CDH4: variants seen among roughly 807,000 people sequenced by gnomAD.
The protein encoded by CDH4 is cadherin-4.
In CDH4, 33 loss-of-function variants were observed where a neutral mutation model predicts 86.0. The observed-to-expected ratio is 0.38, with a 90% CI of 0.29 to 0.51. CDH4 has a LOEUF of 0.51. Ranked by LOEUF, CDH4 falls within the 20% of genes least tolerant of loss-of-function variation. The pLI is 0.86. For missense variants in CDH4, 1,114 were observed against 1,307.4 expected (o/e 0.85, Z 2.28); for synonymous variants, 555 against 549.4 (o/e 1.01, Z -0.14).
rs1422422062 is a variant in CDH4 at position 61,934,780 on chromosome 20, G to C, written c.2544+560G>C. On this transcript the variant is annotated intron_variant, in intron 15 of 15. Transcript: ENST00000614565. Reference sequence around the variant, plus strand: ...GGACACAGCAGGTGGGAGCCACACAGAGGTGGCTGCCTTCCAGGGCTGCCG... The same window carrying C: ...GGACACAGCAGGTGGGAGCCACACACAGGTGGCTGCCTTCCAGGGCTGCCG... Among the ~76,000 whole-genome samples the C allele has an allele frequency of 2.2e-5, 3 of 136,062 alleles. No homozygotes were observed. The Admixed American group carries it at 2.3e-4, about 10-fold the overall frequency. 89.3% of individuals were successfully genotyped at this position (136,062 alleles called of 152,430 possible). A position where few individuals can be genotyped will look rare whatever the true frequency, so the allele number is the denominator to read the frequency against.
intron 7 of CDH4, among the ~76,000 whole-genome samples, chr20:61,877,832 G>T (rs145000682): frequency 6.6e-6 from 1 of 152,150 alleles, no homozygotes; most frequent in Non-Finnish European, 1.5e-5. Flanking sequence ...CTCAGGGGAC[G>T]GTCATGGGGC....
At chr20:61,845,501 A>C (rs975389232) in intron 5 of CDH4, among the ~76,000 whole-genome samples, 5 of 152,216 alleles carry the variant, frequency 3.3e-5, no homozygotes, top group Non-Finnish European at 7.3e-5. Context: ...GGGAGTGCAC[A>C]TCCCTTCACC....
chr20:61,702,591 C>T (rs1428157446), intron 2 of CDH4, among the ~76,000 whole-genome samples: 18 of 152,174 alleles, frequency 1.2e-4, no homozygotes, highest in Admixed American at 6.5e-5. Flanking sequence ...GAGCCAGAGC[C>T]GTCAAAGTTG....
chr20:61,406,940 C>T (rs1311926079), intron 2 of CDH4, among the ~76,000 whole-genome samples: 4 of 150,236 alleles, frequency 2.7e-5, no homozygotes, highest in African/African-American at 9.8e-5. Context: ...ATCTGCTCTG[C>T]CTGGACCTCC....
rs1269343131 is a variant in CDH4, at chr20:61,517,395, G to A, written c.170-226168G>A. Reference sequence around the variant, plus strand: ...CTTTTTGTAGAGACAAGGTCTCGCCGTGTTTCCCAGGCTGGTCTCAAGTGC... The same window carrying A: ...CTTTTTGTAGAGACAAGGTCTCGCCATGTTTCCCAGGCTGGTCTCAAGTGC... On this transcript the variant is annotated intron_variant, in intron 2 of 15. Transcript: ENST00000614565. This position sits in a 1 kb window ranked among gnomAD's most constrained non-coding sequence, Gnocchi z 6.6. 6.6e-6 allele frequency among the ~76,000 whole-genome samples: 1 copy of A among 152,240 alleles called. No individual in the cohort carries two copies.
chr20:61,693,601 T>C (rs2087683672), intron 2 of CDH4, among the ~76,000 whole-genome samples: 1 of 152,238 alleles, frequency 6.6e-6, no homozygotes, highest in African/African-American at 2.4e-5. Context: ...TGCAGCCTTT[T>C]AGAGCGTGGA....
intron 4 of CDH4, among the ~76,000 whole-genome samples, chr20:61,822,595 C>T (rs1432182405): frequency 6.6e-6 from 1 of 152,188 alleles, no homozygotes; most frequent in African/African-American, 2.4e-5. Flanking sequence ...TGAGGGACAC[C>T]ATGGCGTCAT....
At chr20:61,637,842 G>A (rs1353203223) in intron 2 of CDH4, among the ~76,000 whole-genome samples, 4 of 152,058 alleles carry the variant, frequency 2.6e-5, no homozygotes, top group African/African-American at 4.8e-5. Flanking sequence ...CCAACATGGT[G>A]AAACCCCATC....
Position 61,811,084 on chromosome 20 carries a change from T to C in CDH4, c.577-33584T>C, listed in dbSNP as rs1459216122. Among the ~76,000 whole-genome samples the C allele has an allele frequency of 1.3e-5, 2 of 151,934 alleles. No homozygotes were observed. Among genetic ancestry groups the C allele is most frequent in the Non-Finnish European group, 2.9e-5 (2 of 67,992 alleles). ...CATCCTCAGCAGCCGCGCCACATCC[T>C]CAGCAGCCCCGCCACCGCCTGTCAC... On this transcript the variant is annotated intron_variant, in intron 4 of 15. Coordinates refer to ENST00000614565, the MANE Select transcript of CDH4 (RefSeq NM_001794.5). The surrounding 1 kb of genome is among the most constrained non-coding windows in gnomAD (Gnocchi z 4.4).
chr20:61,458,028 T>G (rs879487985), intron 2 of CDH4, among the ~76,000 whole-genome samples: 286 of 133,868 alleles, frequency 2.1e-3, no homozygotes, highest in Middle Eastern at 0.017. Flanking sequence ...GGTTATGATG[T>G]TGATGGCAGT....
intron 2 of CDH4, among the ~76,000 whole-genome samples, chr20:61,420,644 C>T (rs565903745): frequency 6.6e-6 from 1 of 152,384 alleles, no homozygotes; most frequent in African/African-American, 2.4e-5. Flanking sequence ...GCAGCCAAAG[C>T]CGTGCTCTGG....
chr20:61,854,807 C>T (rs1265294281), intron 6 of CDH4, among the ~76,000 whole-genome samples: 17 of 148,006 alleles, frequency 1.1e-4, no homozygotes, highest in African/African-American at 4.0e-4. Flanking sequence ...GCAGTGTGAA[C>T]AGGGTGAATT....
In CDH4 at chr20:61,811,925, G is replaced by A. The variant is rs187247486; in HGVS notation, c.577-32743G>A. Among the ~76,000 whole-genome samples the A allele has an allele frequency of 3.4e-4, 52 of 152,178 alleles. 1 individual carries two copies. In the East Asian group the frequency reaches 5.4e-3, roughly 16 times the overall value. On this transcript the variant is annotated intron_variant, in intron 4 of 15. Transcript: ENST00000614565. The surrounding 1 kb of genome is among the most constrained non-coding windows in gnomAD (Gnocchi z 4.4). ...GACCGCAGGTGATCCACCTACCTCG[G>A]CCTCCCAAAGTGCTAGGATTATAGG...
intron 11 of CDH4, among the ~76,000 whole-genome samples, chr20:61,925,823 G>A (rs529533629): frequency 3.3e-5 from 5 of 152,314 alleles, no homozygotes; most frequent in African/African-American, 1.2e-4. Flanking sequence ...TCACAGCCAT[G>A]TTCTGGCAAA....
intron 2 of CDH4, among the ~76,000 whole-genome samples, chr20:61,702,440 G>T (rs957490343): frequency 6.6e-6 from 1 of 152,250 alleles, no homozygotes; most frequent in Non-Finnish European, 1.5e-5. Flanking sequence ...GTAAAAAGAC[G>T]ACAAGGGCCA....
intron 2 of CDH4, among the ~76,000 whole-genome samples, chr20:61,273,264 C>T (rs570794705): frequency 1.9e-5 from 2 of 106,342 alleles, no homozygotes; most frequent in African/African-American, 3.8e-5. Context: ...AGGGGAGTAC[C>T]GTGTGCAGTT....
intron 2 of CDH4, among the ~76,000 whole-genome samples, chr20:61,657,528 G>A (rs1226046377): frequency 6.6e-6 from 1 of 152,204 alleles, no homozygotes; most frequent in African/African-American, 2.4e-5. Context: ...TCTCTGCGGA[G>A]GCAGATAAGT....
rs2054738021 is a variant in CDH4 at position 61,902,548 on chromosome 20, T to C, written c.1188+7501T>C. On this transcript the variant is annotated intron_variant, in intron 8 of 15. Transcript: ENST00000614565. The surrounding 1 kb of genome is among the most constrained non-coding windows in gnomAD (Gnocchi z 4.6). ...CAGGCACACCTTTTCTTGAATGGTC[T>C]GGAGAGTAAATGTTTGCGCTTTGGC... Among the ~76,000 whole-genome samples, 1 of 152,248 alleles carries C rather than the reference T, an allele frequency of 6.6e-6. No homozygotes were observed. The highest frequency in any genetic ancestry group is 1.5e-5 in the Non-Finnish European group (1 of 68,046).
intron 6 of CDH4, among the ~76,000 whole-genome samples, chr20:61,872,469 C>A (rs749418451): frequency 6.6e-6 from 1 of 152,222 alleles, no homozygotes; most frequent in African/African-American, 2.4e-5. Context: ...CACACGGGAA[C>A]GAGCACCTCG....
Sources: allele counts gnomAD v4.1 joint callset (sites outside exome capture counted in the v4.1 genomes callset), GRCh38; gene constraint gnomAD v4.1.1; non-coding constraint Gnocchi (gnomAD v3.1); transcripts MANE v1.5; gene names NCBI Gene and HGNC (gene_info 2026-07-23, HGNC 2026-07-21).